CENPU: variants seen among roughly 807,000 people sequenced by gnomAD.
CENPU encodes the protein centromere protein U, also known as KSHV latent nuclear antigen interacting protein 1.
CENPU carries 46 observed loss-of-function variants against 56.7 expected under a neutral mutation model. That is an observed-to-expected ratio of 0.81 (90% CI 0.64 to 1.04). CENPU has a LOEUF of 1.04. CENPU is among the 50% of genes least tolerant of loss of function. CENPU has a pLI of 0.00. For synonymous variants in CENPU, 166 were observed against 163.0 expected (o/e 1.02, Z -0.14); for missense variants, 510 against 490.1 (o/e 1.04, Z -0.38).
chr4:184,713,954 G>A (rs1761005228), intron 6 of CENPU: 1 of 152,258 alleles, frequency 6.6e-6, no homozygotes, highest in South Asian at 2.1e-4. Context: ...GTGCCAGGTT[G>A]AGACCACATA....
At chr4:184,721,596 G>A (rs1761280889) in intron 4 of CENPU, among the ~76,000 whole-genome samples, 1 of 150,994 alleles carries the variant, frequency 6.6e-6, no homozygotes, top group Admixed American at 6.6e-5. Context: ...AAAGAGCAGA[G>A]TAGCTATACT....
chr4:184,723,193 T>C (rs971914304), intron 4 of CENPU, among the ~76,000 whole-genome samples: 1 of 152,180 alleles, frequency 6.6e-6, no homozygotes, highest in Non-Finnish European at 1.5e-5. Flanking sequence ...TCCATGTGTA[T>C]TGATATGTAA....
At chr4:184,697,926 T>A in intron 11 of CENPU, 123 bp from the exon 12 acceptor site, 3 of 639,434 alleles carry the variant, frequency 4.7e-6, no homozygotes, top group South Asian at 2.1e-5. Context: ...TTGCTTTGGC[T>A]CTGAAACTAC....
At chr4:184,719,990 A>G (rs1032555793) in intron 4 of CENPU, among the ~76,000 whole-genome samples, 4 of 152,198 alleles carry the variant, frequency 2.6e-5, no homozygotes, top group African/African-American at 9.6e-5. Flanking sequence ...ATCCATAAGC[A>G]TCAAGACCAT....
At chr4:184,730,839 G>T in intron 2 of CENPU, 81 bp downstream of exon 2, 1 of 1,005,432 alleles carries the variant, frequency 9.9e-7, no homozygotes, top group Non-Finnish European at 1.5e-6. Flanking sequence ...GCCAAGTGAA[G>T]TCTACAAAAC....
At chr4:184,729,130 T>G in intron 2 of CENPU, 95 bp from the exon 3 acceptor site, 2 of 959,076 alleles carry the variant, frequency 2.1e-6, no homozygotes, top group South Asian at 1.5e-5. Context: ...CACTGCTGCC[T>G]AAGGAAGCAA....
chr4:184,722,330 T>G (rs1289084826), intron 4 of CENPU, among the ~76,000 whole-genome samples: 1 of 152,022 alleles, frequency 6.6e-6, no homozygotes, highest in Non-Finnish European at 1.5e-5. Flanking sequence ...CTTGAAGAAG[T>G]AGAAAAGCAA....
chr4:184,727,978 TGAAG>T (rs1200105457), intron 3 of CENPU, among the ~76,000 whole-genome samples: 9 of 152,124 alleles, frequency 5.9e-5, no homozygotes, highest in African/African-American at 1.4e-4. Context: ...GCCAGGGGCT[TGAAG>T]GAAGGGGGAA....
intron 11 of CENPU, chr4:184,699,524 CTATTA>C: frequency 7.9e-7 from 1 of 1,268,730 alleles, no homozygotes; most frequent in South Asian, 1.2e-5. Context: ...TTAGCTTTCC[CTATTA>C]TATTTACCTT....
Position 184,724,961 on chromosome 4 carries a change from T to C in CENPU, c.316A>G (p.Arg106Gly). Reference sequence around the variant, plus strand: ...TTGCTTGAAATACACCAGTACCTTCTTTTTGCTTCTTTTCCTGGAGGAGTT... The same window carrying C: ...TTGCTTGAAATACACCAGTACCTTCCTTTTGCTTCTTTTCCTGGAGGAGTT... ...SSTPPGKEAK[R>G]SSDTSGNEAS... The change falls in exon 4 of 13, where the codon AGA becomes GGA. Residue 106 changes from arginine (R) to glycine (G), a missense_variant. Physicochemically the swap from Arg to Gly is moderately radical, Grantham distance 125. Coordinates refer to ENST00000281453, the MANE Select transcript of CENPU (RefSeq NM_024629.4). The C allele has an allele frequency of 1.9e-6, 3 of 1,600,920 alleles. No individual in the cohort carries two copies. Among genetic ancestry groups the C allele is most frequent in the East Asian group, 4.5e-5 (2 of 44,716 alleles).
intron 1 of CENPU, chr4:184,733,342 C>G (rs1466898495): frequency 4.1e-6 from 4 of 986,638 alleles, no homozygotes; most frequent in Admixed American, 6.1e-5. Flanking sequence ...AACTCCTGTT[C>G]TCTTCAGATC....
intron 12 of CENPU, among the ~76,000 whole-genome samples, chr4:184,696,591 C>T (rs1760330169): frequency 6.6e-6 from 1 of 151,944 alleles, no homozygotes; most frequent in African/African-American, 2.4e-5. Flanking sequence ...TATACACAAA[C>T]CTTAGGCTCA....
At chr4:184,724,458 C>G (rs1761390220) in intron 4 of CENPU, among the ~76,000 whole-genome samples, 1 of 152,198 alleles carries the variant, frequency 6.6e-6, no homozygotes, top group Admixed American at 6.5e-5. Context: ...CAAGTTTTCT[C>G]TATGAAATCA....
intron 11 of CENPU, 121 bp downstream of exon 11, chr4:184,700,699 G>T: frequency 1.1e-6 from 1 of 876,456 alleles, no homozygotes; most frequent in South Asian, 1.4e-5. Flanking sequence ...ACTGAGTATC[G>T]GAGCTTGAAG....
At chr4:184,728,616 T>C (rs1761534304) in intron 3 of CENPU, among the ~76,000 whole-genome samples, 1 of 152,182 alleles carries the variant, frequency 6.6e-6, no homozygotes, top group South Asian at 2.1e-4. Flanking sequence ...TATCAAATGG[T>C]AGAGTGAAGT....
intron 11 of CENPU, chr4:184,699,466 T>C (rs566213671): frequency 5.2e-5 from 39 of 755,280 alleles, no homozygotes; most frequent in Non-Finnish European, 7.5e-5. Flanking sequence ...TGAGTTAGCA[T>C]AGGAAGCGTT....
At chr4:184,733,990 C>A (rs1487347627) in intron 1 of CENPU, 26 bp downstream of exon 1, 1 of 1,610,636 alleles carries the variant, frequency 6.2e-7, no homozygotes, top group Non-Finnish European at 8.5e-7. Context: ...TCCGGCCCCG[C>A]GCTCCCGAGG....
intron 6 of CENPU, among the ~76,000 whole-genome samples, chr4:184,713,347 T>C (rs1224153014): frequency 6.6e-6 from 1 of 152,084 alleles, no homozygotes; most frequent in Admixed American, 6.5e-5. Flanking sequence ...TGAGCTGAGA[T>C]TGCGCCACTG....
At chr4:184,709,477 C>A (rs1760847202) in intron 8 of CENPU, among the ~76,000 whole-genome samples, 2 of 144,716 alleles carry the variant, frequency 1.4e-5, no homozygotes, top group African/African-American at 2.7e-5. Flanking sequence ...CAGAGAGAGA[C>A]TCCATCTCAA....
Sources: allele counts gnomAD v4.1 joint callset (sites outside exome capture counted in the v4.1 genomes callset), GRCh38; gene constraint gnomAD v4.1.1; transcripts MANE v1.5; gene names NCBI Gene and HGNC (gene_info 2026-07-23, HGNC 2026-07-21).